Variants in TNNI3K observed in about 807,000 individuals in gnomAD.
TNNI3K encodes the protein serine/threonine-protein kinase TNNI3K.
Under a neutral mutation model 114.5 loss-of-function variants are expected in TNNI3K, and 140 were observed. The observed-to-expected ratio is 1.22, with a 90% CI of 1.07 to 1.41. The LOEUF (loss-of-function observed/expected upper bound fraction) is 1.41, where lower values mean the gene tolerates loss of function less well. Among genes scored for constraint, TNNI3K ranks in the 40% most tolerant of loss-of-function variants. The pLI is 0.00. For missense variants in TNNI3K, 1,125 were observed against 1,007.6 expected (o/e 1.12, Z -1.58); for synonymous variants, 347 against 347.5 (o/e 1.00, Z 0.02).
chr1:74,353,945 T>A (rs201355847), intron 10 of TNNI3K, 35 bp from the exon 11 acceptor site: 3 of 1,576,380 alleles, frequency 1.9e-6, no homozygotes, highest in Non-Finnish European at 2.6e-6. Flanking sequence ...TTTTCTTTTT[T>A]CTCCTTTTGT....
At chr1:74,385,747 G>A (rs1663441416) in intron 17 of TNNI3K, among the ~76,000 whole-genome samples, 1 of 152,194 alleles carries the variant, frequency 6.6e-6, no homozygotes, top group Admixed American at 6.5e-5. Flanking sequence ...AGATGAGAGA[G>A]TGCCTTTGAG....
intron 6 of TNNI3K, among the ~76,000 whole-genome samples, chr1:74,332,128 A>G (rs1025813165): frequency 2.6e-5 from 4 of 152,108 alleles, no homozygotes; most frequent in Admixed American, 6.5e-5. Context: ...TAGAAACTTT[A>G]AAGTTTTTAA....
intron 5 of TNNI3K, among the ~76,000 whole-genome samples, chr1:74,319,171 C>T (rs1659476156): frequency 6.6e-6 from 1 of 152,178 alleles, no homozygotes; most frequent in Admixed American, 6.5e-5. Context: ...AGATAATCCA[C>T]TTCCATGCTT....
In TNNI3K at chr1:74,543,670, T is replaced by C. The variant is rs186011714; in HGVS notation, c.2432-236T>C. On this transcript the variant is annotated intron_variant, in intron 24 of 24. Coordinates refer to ENST00000326637, the MANE Select transcript of TNNI3K (RefSeq NM_015978.3). ...ACCCCTCTTTACTCCAAACCCAAAA[T>C]GCCACCTGGCCAGCTTGGGTCCAAA... 6.5e-3 allele frequency among the ~76,000 whole-genome samples: 990 copies of C among 152,316 alleles called. 7 individuals are homozygous for C. Among genetic ancestry groups the C allele is most frequent in the Non-Finnish European group, 0.011 (741 of 68,026 alleles).
At chr1:74,535,861 T>C in intron 23 of TNNI3K, among the ~76,000 whole-genome samples, 1 of 152,120 alleles carries the variant, frequency 6.6e-6, no homozygotes, top group East Asian at 1.9e-4. Flanking sequence ...CCCTTCTTAC[T>C]TACAAAGCAG....
At chr1:74,534,148 T>C (rs761327352) in intron 23 of TNNI3K, among the ~76,000 whole-genome samples, 1 of 152,156 alleles carries the variant, frequency 6.6e-6, no homozygotes, top group Non-Finnish European at 1.5e-5. Flanking sequence ...ATTATTATTA[T>C]TATATCATAG....
In TNNI3K at chr1:74,370,287, G is replaced by A. The variant is rs759530518; in HGVS notation, c.1668-1G>A. 15 of 1,584,774 alleles carry A rather than the reference G, an allele frequency of 9.5e-6. No individual in the cohort carries two copies. The highest frequency in any genetic ancestry group is 1.7e-4 in the Middle Eastern group (1 of 5,934). On this transcript the variant is annotated splice_acceptor_variant, in intron 16 of 24. Transcript: ENST00000326637. LOFTEE classifies it high-confidence loss of function. ...CTGTTAAATCTATTTTTAAATTCTA[G>A]GATTCTTGATTTGCAGTCTAAATTA...
intron 17 of TNNI3K, among the ~76,000 whole-genome samples, chr1:74,434,240 T>C (rs549582819): frequency 6.6e-6 from 1 of 152,128 alleles, no homozygotes; most frequent in East Asian, 1.9e-4. Context: ...CACCCAAATA[T>C]TCCCTCATTA....
chr1:74,244,526 C>T (rs1050394079), intron 2 of TNNI3K, among the ~76,000 whole-genome samples: 3 of 151,540 alleles, frequency 2.0e-5, no homozygotes, highest in African/African-American at 7.3e-5. Flanking sequence ...AAGCAATGGA[C>T]CCTGGCATCT....
chr1:74,342,867 T>C lies in TNNI3K; in HGVS notation c.708T>C (p.His236=). 6.2e-7 allele frequency: 1 copy of C among 1,613,466 alleles called. No homozygotes were observed. The highest frequency in any genetic ancestry group is 1.1e-5 in the South Asian group (1 of 91,070). The stretch of plus-strand genomic sequence containing the variant: ...TGAATGCTCAAGATAATGAAGACCA[T>C]GTCCCACTCCATTTCTGTTCTCGAT... The part of the protein sequence containing the change: ...ADVNAQDNED[H]VPLHFCSRFG... The change falls in exon 8 of 25, where the codon CAT becomes CAC. Residue 236 remains histidine (H), a synonymous_variant. Transcript: ENST00000326637.
At chr1:74,511,161 T>G (rs1670196180) in intron 23 of TNNI3K, among the ~76,000 whole-genome samples, 1 of 151,294 alleles carries the variant, frequency 6.6e-6, no homozygotes, top group Non-Finnish European at 1.5e-5. Flanking sequence ...CCCAAAGTGC[T>G]GGGATTACAG....
chr1:74,461,113 G>T (rs1446906409), intron 20 of TNNI3K, among the ~76,000 whole-genome samples: 1 of 152,176 alleles, frequency 6.6e-6, no homozygotes, highest in African/African-American at 2.4e-5. Context: ...ACAAAGTGGA[G>T]TTAGAAGATC....
chr1:74,328,742 G>A (rs997215643), intron 5 of TNNI3K, among the ~76,000 whole-genome samples: 2 of 152,046 alleles, frequency 1.3e-5, no homozygotes, highest in Admixed American at 1.3e-4. Flanking sequence ...AAAAAAAATG[G>A]CTTTAAACTG....
At chr1:74,390,511 C>G (rs1283424114) in intron 17 of TNNI3K, among the ~76,000 whole-genome samples, 2 of 152,082 alleles carry the variant, frequency 1.3e-5, no homozygotes, top group Non-Finnish European at 2.9e-5. Flanking sequence ...GTGCTTTGAG[C>G]AGTAGTGATA....
At chr1:74,508,336 C>T (rs45589136) in intron 23 of TNNI3K, among the ~76,000 whole-genome samples, 2,049 of 152,184 alleles carry the variant, frequency 0.013, 44 homozygotes, top group African/African-American at 0.047. Flanking sequence ...TTATTTTGTA[C>T]CAGATAACAG....
chr1:74,310,370 C>G (rs934242959), intron 5 of TNNI3K, among the ~76,000 whole-genome samples: 3 of 152,114 alleles, frequency 2.0e-5, no homozygotes, highest in African/African-American at 7.2e-5. Context: ...TTGGAGAAAT[C>G]AATTACTAAC....
In TNNI3K at chr1:74,259,359, A is replaced by G. The variant is rs117726338; in HGVS notation, c.333+8590A>G. Among the ~76,000 whole-genome samples the G allele has an allele frequency of 3.9e-4, 59 of 152,334 alleles. 1 individual carries two copies. In the East Asian group the frequency reaches 0.011, roughly 28 times the overall value. On this transcript the variant is annotated intron_variant, in intron 4 of 24. Coordinates refer to ENST00000326637, the MANE Select transcript of TNNI3K (RefSeq NM_015978.3). ...GAGGATCAGTGATGTCTGAGGGCAG[A>G]ATATGGATGTCTCAGCTGAAATAAA... is the stretch of plus-strand genomic sequence containing the variant.
At chr1:74,517,867 C>G (rs963205) in intron 23 of TNNI3K, among the ~76,000 whole-genome samples, 142,884 of 152,232 alleles carry the variant, frequency 0.94, 67,180 homozygotes, top group Middle Eastern at 0.97. Context: ...TTCAGCAGGT[C>G]TGATGTAGAG....
intron 21 of TNNI3K, among the ~76,000 whole-genome samples, chr1:74,465,527 T>C (rs965909777): frequency 4.6e-5 from 7 of 152,050 alleles, no homozygotes; most frequent in Non-Finnish European, 8.8e-5. Flanking sequence ...CAGCCCTCCA[T>C]GCCCGAGTCC....
Sources: allele counts gnomAD v4.1 joint callset (sites outside exome capture counted in the v4.1 genomes callset), GRCh38; gene constraint gnomAD v4.1.1; transcripts MANE v1.5; gene names NCBI Gene and HGNC (gene_info 2026-07-23, HGNC 2026-07-21).